The following OOSP1 variants were observed in gnomAD, a reference collection of about 807,000 sequenced individuals.
OOSP1 encodes the protein putative oocyte-secreted protein 1 homolog.
A neutral mutation model predicts 5.7 loss-of-function variants in OOSP1; 11 were observed. The ratio of observed to expected loss-of-function variants is 1.94; its 90% CI spans 1.22 to 3.20. The LOEUF (loss-of-function observed/expected upper bound fraction) is 3.20. Ranked by LOEUF, OOSP1 falls within the 30% of genes most tolerant of loss-of-function variation. The probability of loss-of-function intolerance (pLI) is 0.00; values close to 1 mark genes in which losing one functional copy is unlikely to be tolerated. For synonymous variants in OOSP1, 44 were observed against 20.0 expected (o/e 2.20, Z -3.20); for missense variants, 83 against 54.1 (o/e 1.53, Z -1.67).
intron 4 of OOSP1, among the ~76,000 whole-genome samples, chr11:59,954,090 A>T (rs112776603): frequency 2.0e-5 from 3 of 152,210 alleles, no homozygotes; most frequent in Non-Finnish European, 4.4e-5. Flanking sequence ...TGGATACTGC[A>T]GGCAACTGTA....
chr11:59,952,784 T>C (rs1853953110), intron 4 of OOSP1, among the ~76,000 whole-genome samples: 1 of 152,148 alleles, frequency 6.6e-6, no homozygotes, highest in Non-Finnish European at 1.5e-5. Flanking sequence ...CCCAAAGCTA[T>C]TGAAACCAAA....
chr11:59,945,541 A>T (rs549804960), intron 3 of OOSP1, among the ~76,000 whole-genome samples: 2 of 151,586 alleles, frequency 1.3e-5, no homozygotes, highest in Admixed American at 1.3e-4. Context: ...GAAGATCGGG[A>T]CCATCCTGGC....
At chr11:59,944,948 T>C (rs1853866373) in intron 2 of OOSP1, among the ~76,000 whole-genome samples, 1 of 152,238 alleles carries the variant, frequency 6.6e-6, no homozygotes, top group South Asian at 2.1e-4. Flanking sequence ...AACTAACAAG[T>C]ATTGCTTGCC....
chr11:59,942,828 T>C lies in OOSP1; in HGVS notation c.77-19T>C. 1.4e-6 allele frequency: 1 copy of C among 696,548 alleles called. No homozygotes were observed. The highest frequency in any genetic ancestry group is 2.6e-6 in the Non-Finnish European group (1 of 381,966). 43.1% of individuals were successfully genotyped at this position (696,548 alleles called of 1,614,324 possible). A position where few individuals can be genotyped will look rare whatever the true frequency, so the allele number is the denominator to read the frequency against. Reference sequence around the variant, plus strand: ...TATGTAATTGCATACTAACAAAATTTCTTTTTCCTGCTTTTCAGCTATTCA... The same window carrying C: ...TATGTAATTGCATACTAACAAAATTCCTTTTTCCTGCTTTTCAGCTATTCA... On this transcript the variant is annotated intron_variant, in intron 1 of 4. Coordinates refer to ENST00000646685, the Ensembl canonical transcript of OOSP1.
intron 2 of OOSP1, among the ~76,000 whole-genome samples, chr11:59,943,750 C>T (rs183347126): frequency 1.7e-3 from 253 of 152,246 alleles, no homozygotes; most frequent in Non-Finnish European, 2.6e-3. Context: ...ATCTCCCAGC[C>T]CTAGCCCCTA....
chr11:59,943,320 G>A (rs1355732457), intron 2 of OOSP1, among the ~76,000 whole-genome samples: 1 of 151,736 alleles, frequency 6.6e-6, no homozygotes, highest in Non-Finnish European at 1.5e-5. Flanking sequence ...TAACAAACCT[G>A]CACGTTGTGC....
chr11:59,956,338 G>A (rs1316619044), intron 4 of OOSP1, among the ~76,000 whole-genome samples: 2 of 152,004 alleles, frequency 1.3e-5, no homozygotes, highest in African/African-American at 2.4e-5. Context: ...AGTTAATCAC[G>A]TGAGTGGCAG....
rs902986789 is a variant in OOSP1, at chr11:59,949,001, A to C, written c.486+1139A>C. The C allele has an allele frequency of 1.8e-5, 7 of 381,970 alleles. No homozygotes were observed. The South Asian group carries it at 1.0e-3, about 56-fold the overall frequency. 23.7% of individuals were successfully genotyped at this position (381,970 alleles called of 1,614,324 possible). On this transcript the variant is annotated intron_variant, in intron 4 of 4. Coordinates refer to ENST00000646685, the Ensembl canonical transcript of OOSP1. Reference sequence around the variant, plus strand: ...ACTGCTCTTAACTTTATGAAGTTTTATTTATGAATAAAGTTTATACTACTA... The same window carrying C: ...ACTGCTCTTAACTTTATGAAGTTTTCTTTATGAATAAAGTTTATACTACTA...
chr11:59,953,800 G>T (rs1853963488), intron 4 of OOSP1, among the ~76,000 whole-genome samples: 2 of 152,142 alleles, frequency 1.3e-5, no homozygotes, highest in East Asian at 1.9e-4. Context: ...ATAGATAATA[G>T]TTCCTTGCCT....
At chr11:59,951,527 G>A (rs1234640635) in intron 4 of OOSP1, among the ~76,000 whole-genome samples, 5 of 152,026 alleles carry the variant, frequency 3.3e-5, no homozygotes, top group East Asian at 3.9e-4. Context: ...CATCCTGAGA[G>A]GTTGTTGCTT....
At chr11:59,944,740 A>C (rs979309045) in intron 2 of OOSP1, among the ~76,000 whole-genome samples, 4 of 152,190 alleles carry the variant, frequency 2.6e-5, no homozygotes, top group Non-Finnish European at 5.9e-5. Flanking sequence ...TAGAAATAAG[A>C]AAACAGACTT....
intron 2 of OOSP1, 148 bp from the exon 3 acceptor site, chr11:59,945,021 T>G: frequency 1.7e-6 from 1 of 602,368 alleles, no homozygotes; most frequent in Non-Finnish European, 3.0e-6. Context: ...TGGTCCTGTT[T>G]CCTGTGAACA....
intron 4 of OOSP1, among the ~76,000 whole-genome samples, chr11:59,948,489 T>C (rs1358028943): frequency 1.3e-5 from 2 of 152,220 alleles, no homozygotes; most frequent in African/African-American, 2.4e-5. Flanking sequence ...TATTCACTTA[T>C]ACACACATCA....
At chr11:59,952,214 T>C (rs1184606883) in intron 4 of OOSP1, among the ~76,000 whole-genome samples, 4 of 152,184 alleles carry the variant, frequency 2.6e-5, no homozygotes, top group African/African-American at 9.6e-5. Flanking sequence ...GATGCTTAAA[T>C]ATCCTATTTC....
At chr11:59,957,371 C>A in exon 5 of OOSP1, 1 of 393,212 alleles carries the variant, frequency 2.5e-6, no homozygotes, top group South Asian at 1.4e-4. Flanking sequence ...CATTAAATGT[C>A]ATCCTGGAAT....
Position 59,953,089 on chromosome 11 carries a change from T to C in OOSP1, c.487-4106T>C, listed in dbSNP as rs569657705. Among the ~76,000 whole-genome samples the C allele has an allele frequency of 2.6e-5, 4 of 152,282 alleles. No individual in the cohort carries two copies. The East Asian group carries it at 7.7e-4, about 29-fold the overall frequency. On this transcript the variant is annotated intron_variant, in intron 4 of 4. Coordinates refer to ENST00000646685, the Ensembl canonical transcript of OOSP1. ...GTTTTCATGCTTTAAGCATGACCAT[T>C]TCCTCCAGTGAGTTTGATTTTCCTT... is the stretch of plus-strand genomic sequence containing the variant.
intron 4 of OOSP1, among the ~76,000 whole-genome samples, chr11:59,948,108 A>G (rs1159287667): frequency 6.6e-6 from 1 of 152,220 alleles, no homozygotes. Flanking sequence ...CATTTTGGGT[A>G]TTATGTGAAA....
chr11:59,943,043 T>C lies in OOSP1; in HGVS notation c.258+15T>C. 1.4e-6 allele frequency: 1 copy of C among 702,362 alleles called. No homozygotes were observed. Among genetic ancestry groups the C allele is most frequent in the Non-Finnish European group, 2.6e-6 (1 of 384,558 alleles). The allele number at this position is 702,362 out of a possible 1,614,324, so 43.5% of individuals were successfully genotyped here. A position where few individuals can be genotyped will look rare whatever the true frequency, so the allele number is the denominator to read the frequency against. On this transcript the variant is annotated intron_variant, in intron 2 of 4. Transcript: ENST00000646685. ...TTGTAACTCAAGTAAGAAATGGCTATCTTACTTAAAACCCAAGTGTCCAGG... is the reference window on the plus strand; with the variant it reads ...TTGTAACTCAAGTAAGAAATGGCTACCTTACTTAAAACCCAAGTGTCCAGG...
chr11:59,945,062 C>A, intron 2 of OOSP1, 107 bp from the exon 3 acceptor site: 1 of 649,076 alleles, frequency 1.5e-6, no homozygotes, highest in Non-Finnish European at 2.8e-6. Flanking sequence ...GAGAGTGTGA[C>A]CATTTTTAGA....
Sources: gnomAD v4.1 joint callset for allele counts (sites outside exome capture counted in the v4.1 genomes callset) on GRCh38, gnomAD v4.1.1 for gene constraint, MANE v1.5 for transcripts, NCBI Gene and HGNC (gene_info 2026-07-23, HGNC 2026-07-21) for gene names.